ABCC4: variants seen among roughly 807,000 people sequenced by gnomAD.
The protein encoded by ABCC4 is ATP-binding cassette sub-family C member 4.
In ABCC4, 102 loss-of-function variants were observed where a neutral mutation model predicts 168.5. The ratio of observed to expected loss-of-function variants is 0.61; its 90% CI spans 0.52 to 0.71. The LOEUF is 0.71. Among genes scored for constraint, ABCC4 ranks in the 30% least tolerant of loss-of-function variants. The probability of loss-of-function intolerance (pLI) is 0.00; values close to 1 mark genes in which losing one functional copy is unlikely to be tolerated. For missense variants in ABCC4, 1,402 were observed against 1,605.8 expected, an observed-to-expected ratio of 0.87 and a Z score of 2.17; for synonymous variants, 617 against 590.7, an observed-to-expected ratio of 1.04 and a Z score of -0.65.
chr13:95,228,764 G>GA (rs538224986), intron 4 of ABCC4, among the ~76,000 whole-genome samples: 9,578 of 120,258 alleles, frequency 0.08, 675 homozygotes, highest in African/African-American at 0.2. Context: ...ACTCTGTCTT[G>GA]AAAAAAAAAA....
chr13:95,118,300 T>G (rs2035448232), intron 19 of ABCC4, among the ~76,000 whole-genome samples: 1 of 151,844 alleles, frequency 6.6e-6, no homozygotes, highest in Non-Finnish European at 1.5e-5. Context: ...TTGCCCAGGC[T>G]GGAGGAGATC....
chr13:95,208,003 C>A, intron 6 of ABCC4, 78 bp from the exon 7 acceptor site: 1 of 1,529,122 alleles, frequency 6.5e-7, no homozygotes, highest in Non-Finnish European at 8.8e-7. Context: ...AGGCAGGGAC[C>A]TGCATCACAT....
chr13:95,159,218 C>A (rs1360719889), intron 19 of ABCC4, among the ~76,000 whole-genome samples: 1 of 145,672 alleles, frequency 6.9e-6, no homozygotes, highest in East Asian at 2.1e-4. Context: ...GTAAAAAGTG[C>A]AAAAATTTTA....
intron 9 of ABCC4, 120 bp downstream of exon 9, chr13:95,194,716 A>G: frequency 1.4e-6 from 1 of 704,658 alleles, no homozygotes; most frequent in Non-Finnish European, 2.3e-6. Flanking sequence ...TCTTTGTAAC[A>G]TAGTTTCAGT....
intron 4 of ABCC4, among the ~76,000 whole-genome samples, chr13:95,227,435 C>T (rs117464085): frequency 0.013 from 1,915 of 152,178 alleles, 21 homozygotes; most frequent in Non-Finnish European, 0.021. Flanking sequence ...AAAATTTTAA[C>T]GTATTATGGA....
intron 3 of ABCC4, among the ~76,000 whole-genome samples, chr13:95,241,770 C>G (rs921764396): frequency 6.6e-6 from 1 of 152,132 alleles, no homozygotes; most frequent in African/African-American, 2.4e-5. Context: ...TTTGAAATTC[C>G]AACCTCAAAG....
intron 11 of ABCC4, among the ~76,000 whole-genome samples, chr13:95,180,501 G>A (rs888181460): frequency 1.2e-4 from 18 of 151,774 alleles, no homozygotes; most frequent in Admixed American, 2.0e-4. Flanking sequence ...TGCAGTGAGC[G>A]AGATCGCACC....
chr13:95,198,570 A>G (rs2038528876), intron 8 of ABCC4, among the ~76,000 whole-genome samples: 1 of 152,194 alleles, frequency 6.6e-6, no homozygotes, highest in Admixed American at 6.5e-5. Context: ...AGGAACTAGA[A>G]CCAGAAATAC....
At chr13:95,154,117 A>G (rs1173722505) in intron 19 of ABCC4, among the ~76,000 whole-genome samples, 2 of 152,206 alleles carry the variant, frequency 1.3e-5, no homozygotes, top group Non-Finnish European at 2.9e-5. Context: ...ATTATGATTG[A>G]TGCAATCTTT....
rs141088564 is a variant in ABCC4 at position 95,252,473 on chromosome 13, C to T, written c.75-4720G>A. Among the ~76,000 whole-genome samples, 1,444 of 152,140 alleles carry T rather than the reference C, an allele frequency of 9.5e-3. 11 individuals carry two copies. Among genetic ancestry groups the T allele is most frequent in the Non-Finnish European group, 0.016 (1,091 of 67,998 alleles). On this transcript the variant is annotated intron_variant, in intron 1 of 30. Coordinates refer to ENST00000645237, the MANE Select transcript of ABCC4 (RefSeq NM_005845.5). The stretch of plus-strand genomic sequence containing the variant: ...GGTGGATTGCCTGAGGTCAGCAGTT[C>T]AAAACCAGACTGGCCAGCATGGTGA...
At chr13:95,291,319 C>T (rs983971768) in intron 1 of ABCC4, among the ~76,000 whole-genome samples, 2 of 151,484 alleles carry the variant, frequency 1.3e-5, no homozygotes, top group Non-Finnish European at 2.9e-5. Context: ...TGCACCACTG[C>T]ACTCCAAGGC....
At chr13:95,297,643 A>G (rs897558157) in intron 1 of ABCC4, among the ~76,000 whole-genome samples, 5 of 152,174 alleles carry the variant, frequency 3.3e-5, no homozygotes, top group Non-Finnish European at 5.9e-5. Context: ...TACTGACCTA[A>G]AAGCAGGAGG....
At chr13:95,287,287 G>C (rs2041282312) in intron 1 of ABCC4, among the ~76,000 whole-genome samples, 2 of 140,526 alleles carry the variant, frequency 1.4e-5, no homozygotes, top group Non-Finnish European at 3.1e-5. Flanking sequence ...GCAAAACTCT[G>C]TCTCCAAAAA....
At chr13:95,069,661 ACTAACTACTC>A in intron 25 of ABCC4, among the ~76,000 whole-genome samples, 1 of 152,148 alleles carries the variant, frequency 6.6e-6, no homozygotes, top group East Asian at 1.9e-4. Context: ...TGTCTCCATG[ACTAACTACTC>A]CAGGTACCCA....
At chr13:95,032,838 T>C (rs1188925433) in intron 30 of ABCC4, among the ~76,000 whole-genome samples, 1 of 151,672 alleles carries the variant, frequency 6.6e-6, no homozygotes, top group African/African-American at 2.4e-5. Context: ...CTAATTTTTG[T>C]ATTTTTAGTA....
At chr13:95,207,026 C>T (rs1459431643) in intron 7 of ABCC4, among the ~76,000 whole-genome samples, 1 of 151,122 alleles carries the variant, frequency 6.6e-6, no homozygotes, top group Non-Finnish European at 1.5e-5. Context: ...ATCCAAAAGC[C>T]AAAAAAAAAA....
Position 95,083,275 on chromosome 13 carries a change from C to T in ABCC4, c.2551G>A (p.Val851Ile). 9 of 1,613,742 alleles carry T rather than the reference C, an allele frequency of 5.6e-6. No homozygotes were observed. Among genetic ancestry groups the T allele is most frequent in the Non-Finnish European group, 7.6e-6 (9 of 1,179,826 alleles). ...GCCACAGCCACAGAGACCACACCAACCACTTGTAGCAATGTCTGAAATAGC... is the reference window on the plus strand; with the variant it reads ...GCCACAGCCACAGAGACCACACCAATCACTTGTAGCAATGTCTGAAATAGC... Reference protein sequence around the residue: ...LDFIQTLLQVVGVVSVAVAVI... With the variant: ...LDFIQTLLQVIGVVSVAVAVI... The change falls in exon 21 of 31, where the codon GTT becomes ATT. Residue 851 changes from valine (V) to isoleucine (I), a missense_variant. Coordinates refer to ENST00000645237, the MANE Select transcript of ABCC4 (RefSeq NM_005845.5).
chr13:95,203,820 C>T (rs920407626), intron 8 of ABCC4, among the ~76,000 whole-genome samples: 2 of 152,142 alleles, frequency 1.3e-5, no homozygotes, highest in Non-Finnish European at 2.9e-5. Flanking sequence ...TAAGGACCCT[C>T]ACACCCCCCT....
At chr13:95,283,916 G>A (rs1237629417) in intron 1 of ABCC4, among the ~76,000 whole-genome samples, 5 of 151,190 alleles carry the variant, frequency 3.3e-5, no homozygotes, top group African/African-American at 1.2e-4. Context: ...AAAAAAGAGT[G>A]GCGCCAGGTG....
Sources: allele counts gnomAD v4.1 joint callset (sites outside exome capture counted in the v4.1 genomes callset), GRCh38; gene constraint gnomAD v4.1.1; transcripts MANE v1.5; gene names NCBI Gene and HGNC (gene_info 2026-07-23, HGNC 2026-07-21).